Variants in CYTH3 observed in about 807,000 individuals in gnomAD.
CYTH3 encodes the protein cytohesin-3.
A neutral mutation model predicts 55.1 loss-of-function variants in CYTH3; 23 were observed. That is an observed-to-expected ratio of 0.42 (90% CI 0.30 to 0.59). The LOEUF is 0.59. Ranked by LOEUF, CYTH3 falls within the 20% of genes least tolerant of loss-of-function variation. The pLI, the probability that CYTH3 is intolerant of heterozygous loss-of-function variation, is 0.20. For missense variants in CYTH3, 413 were observed against 524.8 expected (o/e 0.79, Z 2.08); for synonymous variants, 249 against 194.9 (o/e 1.28, Z -2.31).
intron 4 of CYTH3, among the ~76,000 whole-genome samples, chr7:6,186,208 C>T (rs948576164): frequency 4.1e-5 from 6 of 146,220 alleles, no homozygotes; most frequent in African/African-American, 1.5e-4. Flanking sequence ...CGTGCCACTG[C>T]ACTCCAGCCT....
At chr7:6,209,025 G>A (rs1784264330) in intron 1 of CYTH3, among the ~76,000 whole-genome samples, 1 of 152,218 alleles carries the variant, frequency 6.6e-6, no homozygotes, top group Admixed American at 6.5e-5. Context: ...GGAAATTTGA[G>A]AAGCACTGCT....
chr7:6,179,665 C>CA (rs1783432443), intron 4 of CYTH3, among the ~76,000 whole-genome samples: 1 of 96,234 alleles, frequency 1.0e-5, no homozygotes, highest in Non-Finnish European at 2.1e-5. Flanking sequence ...CACACACACC[C>CA]CACACACACA....
At position 6,170,459 on chromosome 7, in the gene CYTH3, A is replaced by G. The variant is rs1783144825; in HGVS notation, c.823+76T>C. On this transcript the variant is annotated intron_variant, in intron 9 of 12. Coordinates refer to ENST00000350796, the MANE Select transcript of CYTH3 (RefSeq NM_004227.4). The surrounding 1 kb of genome is among the most constrained non-coding windows in gnomAD (Gnocchi z 7.8). ...TGCGGTGGGGGGCATTCCTACGATG[A>G]GCCTGGGAGGAACCCGAGGGGCTGC... 7.3e-7 allele frequency: 1 copy of G among 1,362,148 alleles called. No homozygotes were observed. Among genetic ancestry groups the G allele is most frequent in the Admixed American group, 2.2e-5 (1 of 45,648 alleles). The allele number at this position is 1,362,148 out of a possible 1,614,324, so 84.4% of individuals were successfully genotyped here. A position where few individuals can be genotyped will look rare whatever the true frequency, so the allele number is the denominator to read the frequency against.
chr7:6,165,344 C>T lies in CYTH3; in HGVS notation c.1056G>A (p.Glu352=). ...CKTEADGRVV[E]GNHVVYRISA... is the part of the protein sequence containing the mutation. The stretch of plus-strand genomic sequence containing the variant: ...AGATCCGGTACACCACATGGTTCCC[C>T]TCTACCACGCGGCCGTCGGCCTCAG... The change falls in exon 12 of 13, where the codon GAG becomes GAA. Residue 352 remains glutamate, a synonymous_variant. Transcript: ENST00000350796. The T allele has an allele frequency of 6.2e-7, 1 of 1,614,180 alleles. No homozygotes were observed. The highest frequency in any genetic ancestry group is 8.5e-7 in the Non-Finnish European group (1 of 1,180,032).
intron 1 of CYTH3, among the ~76,000 whole-genome samples, chr7:6,208,672 T>C (rs564025133): frequency 2.2e-4 from 33 of 152,272 alleles, no homozygotes; most frequent in African/African-American, 7.7e-4. Flanking sequence ...GCCTCCCAAG[T>C]ATCTGGGACT....
At chr7:6,226,727 C>A (rs1303104753) in intron 1 of CYTH3, among the ~76,000 whole-genome samples, 1 of 152,104 alleles carries the variant, frequency 6.6e-6, no homozygotes, top group Non-Finnish European at 1.5e-5. Context: ...CTTGAAGGTT[C>A]CTATGCAGCA....
chr7:6,205,632 G>C (rs1397431916), intron 1 of CYTH3, among the ~76,000 whole-genome samples: 1 of 152,026 alleles, frequency 6.6e-6, no homozygotes, highest in Non-Finnish European at 1.5e-5. Context: ...TATTACTTGT[G>C]TACTAAAGCT....
At chr7:6,190,622 T>G (rs1184596208) in intron 1 of CYTH3, 91 bp from the exon 2 acceptor site, 1 of 941,476 alleles carries the variant, frequency 1.1e-6, no homozygotes, top group Non-Finnish European at 1.5e-6. Flanking sequence ...CACCCAGCAA[T>G]TCCATACGCA....
At chr7:6,179,687 CCCCCACA>C (rs1783434978) in intron 4 of CYTH3, among the ~76,000 whole-genome samples, 1 of 90,766 alleles carries the variant, frequency 1.1e-5, no homozygotes, top group Non-Finnish European at 2.1e-5. Flanking sequence ...CACACACACC[CCCCCACA>C]CACACACCCC....
At chr7:6,181,234 CAA>C (rs1357186091) in intron 4 of CYTH3, among the ~76,000 whole-genome samples, 3 of 152,134 alleles carry the variant, frequency 2.0e-5, no homozygotes, top group African/African-American at 7.2e-5. Flanking sequence ...CTTTGACATT[CAA>C]AGTTTTGCTT....
rs1347973722 is a variant in CYTH3, at chr7:6,167,223, C to T, written c.824-1413G>A. The stretch of plus-strand genomic sequence containing the variant: ...CTGCAAGCCCTTGGCCTTCACCTTC[C>T]CCACCTCCACTGCAGCACACCAGGG... On this transcript the variant is annotated intron_variant, in intron 9 of 12. Coordinates refer to ENST00000350796, the MANE Select transcript of CYTH3 (RefSeq NM_004227.4). This position sits in a 1 kb window ranked among gnomAD's most constrained non-coding sequence, Gnocchi z 5.5. Among the ~76,000 whole-genome samples the T allele has an allele frequency of 6.6e-6, 1 of 152,190 alleles. No individual in the cohort carries two copies. The highest frequency in any genetic ancestry group is 1.5e-5 in the Non-Finnish European group (1 of 68,032).
At chr7:6,214,990 A>T (rs1162499457) in intron 1 of CYTH3, among the ~76,000 whole-genome samples, 2 of 152,200 alleles carry the variant, frequency 1.3e-5, no homozygotes, top group East Asian at 3.8e-4. Flanking sequence ...AAAAGACAAA[A>T]ATTTAAACAG....
At chr7:6,262,002 A>G (rs150309591) in intron 1 of CYTH3, among the ~76,000 whole-genome samples, 4 of 151,874 alleles carry the variant, frequency 2.6e-5, no homozygotes, top group African/African-American at 9.6e-5. Flanking sequence ...TGCCAGCAGA[A>G]AATTGGAATC....
chr7:6,193,159 G>T (rs878857443), intron 1 of CYTH3, among the ~76,000 whole-genome samples: 1 of 150,022 alleles, frequency 6.7e-6, no homozygotes, highest in African/African-American at 2.5e-5. Context: ...GTGACAGAGC[G>T]AGAGTCCGTC....
intron 1 of CYTH3, among the ~76,000 whole-genome samples, chr7:6,197,218 G>A (rs999476309): frequency 7.9e-5 from 12 of 152,088 alleles, no homozygotes; most frequent in African/African-American, 2.9e-4. Context: ...AGCACTAGCC[G>A]TTTACTTTAC....
chr7:6,190,350 T>G (rs1380295631), intron 2 of CYTH3, 99 bp downstream of exon 2: 38 of 939,758 alleles, frequency 4.0e-5, no homozygotes, highest in South Asian at 6.0e-5. Flanking sequence ...TTTTGGGTTT[T>G]TTTTTTTTTT....
chr7:6,240,952 GAA>G (rs369870540), intron 1 of CYTH3, among the ~76,000 whole-genome samples: 2 of 137,870 alleles, frequency 1.5e-5, no homozygotes, highest in African/African-American at 2.7e-5. Flanking sequence ...CGTCTCTGCT[GAA>G]AAAAAAAAAA....
At chr7:6,268,385 G>A (rs761313139) in intron 1 of CYTH3, among the ~76,000 whole-genome samples, 20 of 152,216 alleles carry the variant, frequency 1.3e-4, no homozygotes, top group Non-Finnish European at 2.5e-4. Context: ...GCCCAGGCTG[G>A]TCTTGAATTC....
intron 4 of CYTH3, among the ~76,000 whole-genome samples, chr7:6,184,296 A>G (rs975979623): frequency 1.3e-5 from 2 of 151,418 alleles, no homozygotes; most frequent in Non-Finnish European, 2.9e-5. Context: ...TCCTGACCTC[A>G]TGATCCACCC....
Sources: allele counts gnomAD v4.1 joint callset (sites outside exome capture counted in the v4.1 genomes callset), GRCh38; gene constraint gnomAD v4.1.1; non-coding constraint Gnocchi (gnomAD v3.1); transcripts MANE v1.5; gene names NCBI Gene and HGNC (gene_info 2026-07-23, HGNC 2026-07-21).